PTPRE: variants seen among roughly 807,000 people sequenced by gnomAD.
PTPRE encodes protein tyrosine phosphatase receptor type E, also known as receptor-type tyrosine-protein phosphatase epsilon.
In PTPRE, 51 loss-of-function variants were observed where a neutral mutation model predicts 102.0. That is an observed-to-expected ratio of 0.50 (90% CI 0.40 to 0.63). PTPRE has a LOEUF of 0.63. PTPRE is among the 30% of genes least tolerant of loss of function. The pLI is 0.00. For synonymous variants in PTPRE, 345 were observed against 348.2 expected, an observed-to-expected ratio of 0.99 and a Z score of 0.10; for missense variants, 752 against 915.1, an observed-to-expected ratio of 0.82 and a Z score of 2.30.
intron 1 of PTPRE, among the ~76,000 whole-genome samples, chr10:127,981,219 G>A (rs779708412): frequency 1.3e-5 from 2 of 152,196 alleles, no homozygotes; most frequent in Admixed American, 6.5e-5. Context: ...AGAAGGCCAC[G>A]TATAGTGTGA....
chr10:127,984,724 T>C (rs1045689714), intron 2 of PTPRE, among the ~76,000 whole-genome samples: 3 of 152,108 alleles, frequency 2.0e-5, no homozygotes, highest in African/African-American at 7.2e-5. Flanking sequence ...TTTTAAGGGG[T>C]TTCCACTTAA....
chr10:127,961,359 T>C (rs1408342855), intron 1 of PTPRE, among the ~76,000 whole-genome samples: 1 of 151,694 alleles, frequency 6.6e-6, no homozygotes, highest in Non-Finnish European at 1.5e-5. Flanking sequence ...GGAGGTGTTG[T>C]AAGGCACCCA....
At chr10:128,029,957 A>T (rs1032189349) in intron 2 of PTPRE, among the ~76,000 whole-genome samples, 1 of 152,214 alleles carries the variant, frequency 6.6e-6, no homozygotes, top group African/African-American at 2.4e-5. Flanking sequence ...CAGGACACTT[A>T]TCTCCATCCC....
At chr10:128,074,170 A>G (rs942388602) in intron 17 of PTPRE, among the ~76,000 whole-genome samples, 1 of 152,214 alleles carries the variant, frequency 6.6e-6, no homozygotes, top group African/African-American at 2.4e-5. Flanking sequence ...TATAAATGGA[A>G]TCATACAGTA....
intron 6 of PTPRE, among the ~76,000 whole-genome samples, 157 bp from the exon 7 acceptor site, chr10:128,055,966 C>T (rs573001450): frequency 7.9e-5 from 12 of 152,330 alleles, no homozygotes; most frequent in African/African-American, 2.9e-4. Context: ...CATTCTCTGC[C>T]CCATGCCTGG....
At chr10:128,044,419 C>A (rs1847934154) in intron 3 of PTPRE, among the ~76,000 whole-genome samples, 1 of 152,212 alleles carries the variant, frequency 6.6e-6, no homozygotes, top group Non-Finnish European at 1.5e-5. Flanking sequence ...CGGCTCTTGG[C>A]CAGAGCTCAG....
intron 1 of PTPRE, among the ~76,000 whole-genome samples, chr10:127,956,682 T>C (rs553255350): frequency 1.3e-5 from 2 of 152,358 alleles, no homozygotes; most frequent in Non-Finnish European, 2.9e-5. Context: ...CATTTTGCAT[T>C]TGAAGCAATA....
At chr10:128,030,139 T>G (rs1288137071) in intron 2 of PTPRE, among the ~76,000 whole-genome samples, 1 of 152,228 alleles carries the variant, frequency 6.6e-6, no homozygotes, top group South Asian at 2.1e-4. Context: ...CCAGGAAGAC[T>G]TGGTGGCAGA....
At chr10:128,018,636 C>A (rs1845625006) in intron 2 of PTPRE, among the ~76,000 whole-genome samples, 1 of 152,196 alleles carries the variant, frequency 6.6e-6, no homozygotes, top group African/African-American at 2.4e-5. Context: ...CTCCCCACAG[C>A]CTCCATCTCC....
At chr10:127,946,066 C>G (rs1231116902) in intron 1 of PTPRE, among the ~76,000 whole-genome samples, 3 of 152,008 alleles carry the variant, frequency 2.0e-5, no homozygotes, top group Non-Finnish European at 4.4e-5. Context: ...CCAGGAGGAG[C>G]ACAGCAGAGC....
chr10:128,009,703 T>C (rs1844816361), intron 2 of PTPRE, among the ~76,000 whole-genome samples: 1 of 152,250 alleles, frequency 6.6e-6, no homozygotes, highest in African/African-American at 2.4e-5. Flanking sequence ...CCCTGAAAGA[T>C]GCTGAAAAGA....
intron 7 of PTPRE, 81 bp from the exon 8 acceptor site, chr10:128,060,858 G>C: frequency 2.2e-6 from 3 of 1,377,050 alleles, no homozygotes; most frequent in Non-Finnish European, 3.1e-6. Flanking sequence ...CAGATGAAGA[G>C]ACAGCACTGT....
At chr10:127,932,800 G>A (rs1847544337) in intron 1 of PTPRE, among the ~76,000 whole-genome samples, 1 of 151,564 alleles carries the variant, frequency 6.6e-6, no homozygotes, top group Non-Finnish European at 1.5e-5. Context: ...ACGGGCTGCA[G>A]GGTCATGTGC....
In PTPRE at chr10:128,076,632, G is replaced by A; in HGVS notation, c.1629G>A (p.Glu543=). 6.2e-7 allele frequency: 1 copy of A among 1,609,690 alleles called. No homozygotes were observed. ...AATGCTACCAGTATTGGCCAACCGA[G>A]GGCTCAGTTACTCATGGAGAAATAA... is the stretch of plus-strand genomic sequence containing the variant. ...QDKCYQYWPT[E]GSVTHGEITI... The change falls in exon 18 of 21, where the codon GAG becomes GAA. Residue 543 remains glutamate (E), a synonymous_variant. Coordinates refer to ENST00000254667, the MANE Select transcript of PTPRE (RefSeq NM_006504.6).
chr10:128,029,317 C>T (rs752433359), intron 2 of PTPRE, among the ~76,000 whole-genome samples: 2 of 152,190 alleles, frequency 1.3e-5, no homozygotes, highest in East Asian at 1.9e-4. Context: ...AACACATGGG[C>T]GGGTCCTGGC....
At chr10:127,962,647 T>G (rs1849916016) in intron 1 of PTPRE, among the ~76,000 whole-genome samples, 1 of 151,886 alleles carries the variant, frequency 6.6e-6, no homozygotes, top group Non-Finnish European at 1.5e-5. Context: ...GGAGCAGGAG[T>G]CTAAGCCGGA....
rs141042709 is a variant in PTPRE, at chr10:127,908,638, G to T, written c.-31+1329G>T. 3.1e-3 allele frequency among the ~76,000 whole-genome samples: 476 copies of T among 152,284 alleles called. 4 individuals are homozygous for T. The highest frequency in any genetic ancestry group is 0.021 in the Admixed American group (323 of 15,302). On this transcript the variant is annotated intron_variant, in intron 1 of 20. Transcript: ENST00000254667. ...AGCACAGGCTCTTGGCATTTGGGGA[G>T]CAAAAGGTCAGAGGCGAGGTGGAGC...
At chr10:128,077,447 A>G (rs1165814461) in intron 18 of PTPRE, among the ~76,000 whole-genome samples, 170 bp from the exon 19 acceptor site, 1 of 152,130 alleles carries the variant, frequency 6.6e-6, no homozygotes, top group African/African-American at 2.4e-5. Context: ...CTTCTTCTTT[A>G]GGACAAGCAG....
chr10:127,940,542 C>T (rs1443272758), intron 1 of PTPRE, among the ~76,000 whole-genome samples: 1 of 150,618 alleles, frequency 6.6e-6, no homozygotes, highest in East Asian at 2.0e-4. Context: ...TTCCCCTGCA[C>T]CCAGCACATT....
Sources: allele counts gnomAD v4.1 joint callset (sites outside exome capture counted in the v4.1 genomes callset), GRCh38; gene constraint gnomAD v4.1.1; transcripts MANE v1.5; gene names NCBI Gene and HGNC (gene_info 2026-07-23, HGNC 2026-07-21).